CCBE1: variants seen among roughly 807,000 people sequenced by gnomAD.
CCBE1 encodes the protein collagen and calcium binding EGF domains 1, also known as collagen and calcium-binding EGF domain-containing protein 1.
A neutral mutation model predicts 50.0 loss-of-function variants in CCBE1; 37 were observed. The ratio of observed to expected loss-of-function variants is 0.74; its 90% confidence interval spans 0.57 to 0.97. The LOEUF (loss-of-function observed/expected upper bound fraction) is 0.97. Ranked by LOEUF, CCBE1 falls within the 50% of genes least tolerant of loss-of-function variation. CCBE1 has a pLI of 0.00. For missense variants in CCBE1, 538 were observed against 523.8 expected (o/e 1.03, Z -0.26); for synonymous variants, 234 against 203.7 (o/e 1.15, Z -1.27).
At chr18:59,492,144 C>CAAAAAA (rs869190811) in intron 2 of CCBE1, among the ~76,000 whole-genome samples, 156 of 78,350 alleles carry the variant, frequency 2.0e-3, no homozygotes, top group African/African-American at 4.7e-3. Context: ...GACTTTGTCT[C>CAAAAAA]AAAAAAAAAA....
At position 59,697,345 on chromosome 18, in the gene CCBE1, G is replaced by T; in HGVS notation, c.-3C>A. The T allele has an allele frequency of 6.5e-7, 1 of 1,546,534 alleles. No homozygotes were observed. The highest frequency in any genetic ancestry group is 8.7e-7 in the Non-Finnish European group (1 of 1,146,672). The stretch of plus-strand genomic sequence containing the variant: ...CGGCTCGGAGGCGGCGGCACCATCA[G>T]GGAAGCTCCCGGCTTCTTCCCAGCG... On this transcript the variant is annotated 5_prime_UTR_variant, in exon 1 of 11. It adds an upstream start codon to the 5' untranslated region. Coordinates refer to ENST00000439986, the MANE Select transcript of CCBE1 (RefSeq NM_133459.4).
At chr18:59,439,981 G>A (rs967303455) in intron 7 of CCBE1, among the ~76,000 whole-genome samples, 165 bp from the exon 8 acceptor site, 5 of 152,334 alleles carry the variant, frequency 3.3e-5, no homozygotes, top group Admixed American at 3.3e-4. Flanking sequence ...AACTTGATAC[G>A]ATCAAAAGCG....
chr18:59,507,981 C>T (rs1244282287), intron 2 of CCBE1, among the ~76,000 whole-genome samples: 1 of 151,552 alleles, frequency 6.6e-6, no homozygotes, highest in African/African-American at 2.4e-5. Context: ...ACCTTCGCCT[C>T]CCGGGTTCAA....
chr18:59,445,692 A>G (rs2143641319), intron 7 of CCBE1, among the ~76,000 whole-genome samples: 1 of 152,298 alleles, frequency 6.6e-6, no homozygotes, highest in South Asian at 2.1e-4. Context: ...GTATATCTAC[A>G]ATGAGTTTGG....
chr18:59,597,760 G>C (rs1271418895), intron 2 of CCBE1, among the ~76,000 whole-genome samples: 1 of 152,138 alleles, frequency 6.6e-6, no homozygotes, highest in African/African-American at 2.4e-5. Context: ...CTCAGGAATG[G>C]TTTGCATGAA....
At chr18:59,671,149 A>G (rs143422534) in intron 2 of CCBE1, among the ~76,000 whole-genome samples, 2 of 152,232 alleles carry the variant, frequency 1.3e-5, no homozygotes, top group Non-Finnish European at 2.9e-5. Context: ...GGGAGGCAGT[A>G]GCTGCTGACA....
chr18:59,585,466 G>T (rs551496332), intron 2 of CCBE1, among the ~76,000 whole-genome samples: 1 of 152,132 alleles, frequency 6.6e-6, no homozygotes, highest in Admixed American at 6.5e-5. Context: ...CAAGCTCAAG[G>T]TTTCACATGT....
At chr18:59,656,256 A>G (rs1348627267) in intron 2 of CCBE1, among the ~76,000 whole-genome samples, 1 of 152,256 alleles carries the variant, frequency 6.6e-6, no homozygotes, top group East Asian at 1.9e-4. Context: ...TGAGGGCACT[A>G]GAGTTGACTG....
intron 2 of CCBE1, among the ~76,000 whole-genome samples, chr18:59,486,903 GTTA>G (rs1370955945): frequency 6.6e-6 from 1 of 151,784 alleles, no homozygotes; most frequent in African/African-American, 2.4e-5. Flanking sequence ...GTGTAAGCTT[GTTA>G]TTACCAAATC....
chr18:59,522,993 C>CAACAAAAAAAAAAAAAAA (rs1914669978), intron 2 of CCBE1, among the ~76,000 whole-genome samples: 1 of 89,222 alleles, frequency 1.1e-5, no homozygotes, highest in Non-Finnish European at 2.2e-5. Flanking sequence ...GACTCTGTTT[C>CAACAAAAAAAAAAAAAAA]AAAAAAAAAA....
intron 2 of CCBE1, among the ~76,000 whole-genome samples, chr18:59,483,118 G>C (rs1912655275): frequency 6.6e-6 from 1 of 152,094 alleles, no homozygotes; most frequent in Non-Finnish European, 1.5e-5. Context: ...ACTGATTTGG[G>C]AAATTAGACA....
chr18:59,595,320 G>A (rs147607246), intron 2 of CCBE1, among the ~76,000 whole-genome samples: 14 of 151,430 alleles, frequency 9.2e-5, no homozygotes, highest in East Asian at 3.9e-4. Flanking sequence ...TCCCAGTGTC[G>A]GACAGATCAG....
At chr18:59,636,822 TAAAC>T (rs2053922737) in intron 2 of CCBE1, among the ~76,000 whole-genome samples, 1 of 152,162 alleles carries the variant, frequency 6.6e-6, no homozygotes, top group South Asian at 2.1e-4. Context: ...GACTGTAAAA[TAAAC>T]AATAGTATCT....
intron 2 of CCBE1, among the ~76,000 whole-genome samples, chr18:59,499,774 G>A (rs1051318848): frequency 9.2e-5 from 14 of 152,132 alleles, no homozygotes; most frequent in African/African-American, 3.4e-4. Flanking sequence ...CACAACAATG[G>A]CCTGCTGGAC....
chr18:59,524,566 G>A (rs543426602), intron 2 of CCBE1, among the ~76,000 whole-genome samples: 1 of 151,960 alleles, frequency 6.6e-6, no homozygotes, highest in Non-Finnish European at 1.5e-5. Flanking sequence ...TTAAAATTAG[G>A]GTAACCTTGA....
At chr18:59,437,881 T>C (rs1247343062) in intron 10 of CCBE1, among the ~76,000 whole-genome samples, 2 of 152,176 alleles carry the variant, frequency 1.3e-5, no homozygotes, top group Non-Finnish European at 2.9e-5. Flanking sequence ...CAAATAAAGA[T>C]TAGCCATGAT....
intron 4 of CCBE1, among the ~76,000 whole-genome samples, chr18:59,468,038 T>C (rs8091861): frequency 0.63 from 95,400 of 152,016 alleles, 31,401 homozygotes; most frequent in Non-Finnish European, 0.72. Context: ...AAATCAGAGA[T>C]AGAAATAGAA....
chr18:59,593,402 A>C (rs2053303200), intron 2 of CCBE1, among the ~76,000 whole-genome samples: 1 of 152,246 alleles, frequency 6.6e-6, no homozygotes, highest in African/African-American at 2.4e-5. Flanking sequence ...TAAGAAAAAC[A>C]TGAATAGTAG....
intron 2 of CCBE1, among the ~76,000 whole-genome samples, chr18:59,668,754 G>C (rs2054390808): frequency 6.8e-6 from 1 of 147,824 alleles, no homozygotes; most frequent in Admixed American, 6.7e-5. Flanking sequence ...TGCAAAGTTA[G>C]TTTACTGGGC....
Sources: allele counts gnomAD v4.1 joint callset (sites outside exome capture counted in the v4.1 genomes callset), GRCh38; gene constraint gnomAD v4.1.1; transcripts MANE v1.5; gene names NCBI Gene and HGNC (gene_info 2026-07-23, HGNC 2026-07-21).